Variants in SLC8A3 observed in about 807,000 individuals in gnomAD.
The protein encoded by SLC8A3 is solute carrier family 8 member A3, also known as sodium/calcium exchanger 3.
Under a neutral mutation model 65.4 loss-of-function variants are expected in SLC8A3, and 37 were observed. That is an observed-to-expected ratio of 0.57 (90% confidence interval 0.44 to 0.74). SLC8A3 has a LOEUF of 0.74. Ranked by LOEUF, SLC8A3 falls within the 30% of genes least tolerant of loss-of-function variation. The pLI is 0.00. For synonymous variants in SLC8A3, 461 were observed against 444.5 expected (o/e 1.04, Z -0.47); for missense variants, 1,112 against 1,172.1 (o/e 0.95, Z 0.75).
chr14:70,170,367 A>G (rs1156551742), intron 1 of SLC8A3, among the ~76,000 whole-genome samples: 1 of 152,152 alleles, frequency 6.6e-6, no homozygotes, highest in African/African-American at 2.4e-5. Flanking sequence ...ATTCTCATTC[A>G]TCTTTGAAAT....
intron 2 of SLC8A3, among the ~76,000 whole-genome samples, chr14:70,127,584 G>C (rs1894552558): frequency 2.0e-5 from 3 of 152,168 alleles, no homozygotes; most frequent in African/African-American, 7.2e-5. Context: ...TGTTTTCCCT[G>C]TGCTGGATTT....
At position 70,167,469 on chromosome 14, in the gene SLC8A3, C is replaced by A. The variant is rs1200545618; in HGVS notation, c.954G>T (p.Arg318=). 2 of 1,614,146 alleles carry A rather than the reference C, an allele frequency of 1.2e-6. No individual in the cohort carries two copies. Among genetic ancestry groups the A allele is most frequent in the Non-Finnish European group, 1.7e-6 (2 of 1,180,010 alleles). The change falls in exon 2 of 7, where the codon CGG becomes CGT. Residue 318 remains arginine, a synonymous_variant. Coordinates refer to ENST00000356921, the MANE Select transcript of SLC8A3 (RefSeq NM_182932.3). ...EVDESRREMI[R]ILKDLKQKHP... is the part of the protein sequence containing the mutation. Reference sequence around the variant, plus strand: ...GTTTTTGCTTCAGATCCTTGAGAATCCGGATCATCTCTCTGCGGGACTCAT... The same window carrying A: ...GTTTTTGCTTCAGATCCTTGAGAATACGGATCATCTCTCTGCGGGACTCAT...
chr14:70,145,967 G>A (rs776617834), intron 2 of SLC8A3, among the ~76,000 whole-genome samples: 1 of 151,924 alleles, frequency 6.6e-6, no homozygotes, highest in Non-Finnish European at 1.5e-5. Context: ...GAGGGAGGGA[G>A]GGAGGGAAGA....
intron 2 of SLC8A3, among the ~76,000 whole-genome samples, chr14:70,108,076 CTCAT>C (rs1177246537): frequency 6.6e-6 from 1 of 151,392 alleles, no homozygotes; most frequent in African/African-American, 2.5e-5. Flanking sequence ...TGTTGCCTAT[CTCAT>C]TCACTGTCAT....
At chr14:70,089,799 C>T (rs547605389) in intron 2 of SLC8A3, among the ~76,000 whole-genome samples, 50 of 152,164 alleles carry the variant, frequency 3.3e-4, no homozygotes, top group African/African-American at 1.2e-3. Context: ...TACCAATTTT[C>T]CCCCAAAAGA....
rs780234574 is a variant in SLC8A3, at chr14:70,052,068, C to T, written c.1935G>A (p.Arg645=). 1.1e-5 allele frequency: 18 copies of T among 1,608,338 alleles called. No individual in the cohort carries two copies. Among genetic ancestry groups the T allele is most frequent in the Non-Finnish European group, 7.6e-6 (9 of 1,178,650 alleles). ...ATACTGGCTTTCCCATCTCTGCTAT[C>T]CTCTTGGCCTCCTCTTCTTCCATAG... ...KLTMEEEEAK[R]IAEMGKPVLG... The change falls in exon 4 of 7, where the codon AGG becomes AGA. Residue 645 remains arginine, a synonymous_variant. Transcript: ENST00000356921.
intron 2 of SLC8A3, among the ~76,000 whole-genome samples, chr14:70,144,897 C>T (rs554704247): frequency 6.6e-6 from 1 of 152,268 alleles, no homozygotes; most frequent in African/African-American, 2.4e-5. Flanking sequence ...ATGGCAGTAT[C>T]ATTTTATTGG....
Position 70,046,061 on chromosome 14 carries a change from C to T in SLC8A3, c.2652G>A (p.Glu884=). The part of the protein sequence containing the change: ...LYRRRPHLGG[E]LGGPRGCKLA... Reference sequence around the variant, plus strand: ...GCTTGCAGCCACGGGGGCCACCAAGCTCCCCTCCCAGGTGCGGCCGCCTTC... The same window carrying T: ...GCTTGCAGCCACGGGGGCCACCAAGTTCCCCTCCCAGGTGCGGCCGCCTTC... The change falls in exon 7 of 7, where the codon GAG becomes GAA. Residue 884 remains glutamate (E), a synonymous_variant. Transcript: ENST00000356921. This position sits in a 1 kb window ranked among gnomAD's most constrained non-coding sequence, Gnocchi z 4.2. 3 of 1,614,116 alleles carry T rather than the reference C, an allele frequency of 1.9e-6. No homozygotes were observed. The highest frequency in any genetic ancestry group is 2.5e-6 in the Non-Finnish European group (3 of 1,180,018).
At chr14:70,050,971 G>T (rs758399330) in intron 5 of SLC8A3, 37 bp downstream of exon 5, 4 of 1,392,208 alleles carry the variant, frequency 2.9e-6, no homozygotes, top group Admixed American at 1.7e-5. Flanking sequence ...GAGGTTGCCT[G>T]CTTCTCCCAG....
chr14:70,174,087 G>C (rs1436222054), intron 1 of SLC8A3, among the ~76,000 whole-genome samples: 1 of 152,236 alleles, frequency 6.6e-6, no homozygotes, highest in African/African-American at 2.4e-5. Context: ...TTAGTAAACA[G>C]AAAGGTAAGC....
At chr14:70,055,699 C>T in intron 3 of SLC8A3, 1 of 964,768 alleles carries the variant, frequency 1.0e-6, no homozygotes, top group African/African-American at 1.7e-5. Flanking sequence ...CTTGAGCCTG[C>T]AGTTCTTATT....
At chr14:70,086,491 T>G (rs1426314846) in intron 2 of SLC8A3, among the ~76,000 whole-genome samples, 1 of 144,382 alleles carries the variant, frequency 6.9e-6, no homozygotes, top group Non-Finnish European at 1.5e-5. Context: ...AACCTCCGCC[T>G]CCCAGGTTCA....
chr14:70,089,070 G>T (rs941884673), intron 2 of SLC8A3, among the ~76,000 whole-genome samples: 2 of 152,164 alleles, frequency 1.3e-5, no homozygotes, highest in Non-Finnish European at 2.9e-5. Context: ...GCAAACCTCA[G>T]TATGCTCTTC....
In SLC8A3 at chr14:70,046,021, G is replaced by T; in HGVS notation, c.2692C>A (p.Leu898Ile). Residue 898 changes from leucine (L) to isoleucine (I), a missense_variant, in exon 7 of 7, where the codon CTC becomes ATC. Coordinates refer to ENST00000356921, the MANE Select transcript of SLC8A3 (RefSeq NM_182932.3). This position sits in a 1 kb window ranked among gnomAD's most constrained non-coding sequence, Gnocchi z 4.2. Reference sequence around the variant, plus strand: ...TAGAGGAGCCACAGGCTCACAAAGAGCCATGTTGTGGCGAGCTTGCAGCCA... The same window carrying T: ...TAGAGGAGCCACAGGCTCACAAAGATCCATGTTGTGGCGAGCTTGCAGCCA... ...PRGCKLATTW[L>I]FVSLWLLYIL... 2 of 1,613,708 alleles carry T rather than the reference G, an allele frequency of 1.2e-6. No individual in the cohort carries two copies. Among genetic ancestry groups the T allele is most frequent in the Non-Finnish European group, 1.7e-6 (2 of 1,179,842 alleles).
intron 2 of SLC8A3, among the ~76,000 whole-genome samples, chr14:70,064,755 T>C (rs1889225222): frequency 6.6e-6 from 1 of 152,256 alleles, no homozygotes; most frequent in Non-Finnish European, 1.5e-5. Flanking sequence ...AGCACAATTA[T>C]ATTGCTTTTC....
Position 70,060,837 on chromosome 14 carries a change from T to G in SLC8A3, c.1887A>C (p.Ser629=). 3 of 1,414,704 alleles carry G rather than the reference T, an allele frequency of 2.1e-6. No individual in the cohort carries two copies. The highest frequency in any genetic ancestry group is 1.3e-5 in the South Asian group (1 of 79,916). The allele number at this position is 1,414,704 out of a possible 1,614,324, so 87.6% of individuals were successfully genotyped here. Residue 629 remains serine, a splice_region_variant and synonymous_variant, in exon 3 of 7, where the codon TCA becomes TCC. Transcript: ENST00000356921. ...GEPKWMERGI[S]DVTDRKLTME... ...TTTTGTTTTTAAAGAATCTCACACC[T>G]GATATTCCACGTTCCATCCATTTCG...
chr14:70,082,179 T>A (rs187003605), intron 2 of SLC8A3, among the ~76,000 whole-genome samples: 22 of 152,306 alleles, frequency 1.4e-4, no homozygotes, highest in African/African-American at 5.1e-4. Flanking sequence ...CCCTGCATAC[T>A]TGTCCAAAAC....
At chr14:70,135,059 T>C (rs930146314) in intron 2 of SLC8A3, among the ~76,000 whole-genome samples, 19 of 151,954 alleles carry the variant, frequency 1.3e-4, no homozygotes, top group African/African-American at 4.4e-4. Flanking sequence ...AAACAAATAA[T>C]CCACTTAAAA....
intron 2 of SLC8A3, among the ~76,000 whole-genome samples, chr14:70,107,636 C>A (rs1332597854): frequency 6.6e-6 from 1 of 152,086 alleles, no homozygotes; most frequent in African/African-American, 2.4e-5. Flanking sequence ...GGCCACACAG[C>A]ACATCTTTTT....
Sources: allele counts gnomAD v4.1 joint callset (sites outside exome capture counted in the v4.1 genomes callset), GRCh38; gene constraint gnomAD v4.1.1; non-coding constraint Gnocchi (gnomAD v3.1); transcripts MANE v1.5; gene names NCBI Gene and HGNC (gene_info 2026-07-23, HGNC 2026-07-21).